The following TGFB1 variants were observed in gnomAD, a reference collection of about 807,000 sequenced individuals.
TGFB1 encodes the protein transforming growth factor beta 1, also known as transforming growth factor beta-1 proprotein.
Under a neutral mutation model 43.8 loss-of-function variants are expected in TGFB1, and 19 were observed. The observed-to-expected ratio is 0.43, with a 90% CI of 0.30 to 0.64. The LOEUF (loss-of-function observed/expected upper bound fraction) is 0.64, where lower values mean the gene tolerates loss of function less well. Among genes scored for constraint, TGFB1 ranks in the 30% least tolerant of loss-of-function variants. The pLI, the probability that TGFB1 is intolerant of heterozygous loss-of-function variation, is 0.11. For synonymous variants in TGFB1, 221 were observed against 236.3 expected, an observed-to-expected ratio of 0.94 and a Z score of 0.60; for missense variants, 445 against 529.8, an observed-to-expected ratio of 0.84 and a Z score of 1.57.
intron 5 of TGFB1, among the ~76,000 whole-genome samples, chr19:41,340,557 A>G (rs757287695): frequency 4.6e-4 from 70 of 152,180 alleles, no homozygotes; most frequent in Non-Finnish European, 8.5e-4. Context: ...CTGGAATTAT[A>G]GGCGTGAGCC....
In TGFB1 at chr19:41,348,422, C is replaced by A; in HGVS notation, c.389G>T (p.Ser130Ile). The change falls in exon 2 of 7, where the codon AGC (serine) becomes ATC (isoleucine). Residue 130 changes from serine (S) to isoleucine (I), a missense_variant. By Grantham distance (142) the Ser-to-Ile change is moderately radical. Coordinates refer to ENST00000221930, the MANE Select transcript of TGFB1 (RefSeq NM_000660.7). ...TGATGTGTTGAAGAACATATATATG[C>A]TGTGTGTACTCTGCTTGAACTTGTC... ...IYDKFKQSTH[S>I]IYMFFNTSEL... 2 of 1,613,032 alleles carry A rather than the reference C, an allele frequency of 1.2e-6. No individual in the cohort carries two copies. The highest frequency in any genetic ancestry group is 8.5e-7 in the Non-Finnish European group (1 of 1,179,466).
rs141428713 is a variant in TGFB1, at chr19:41,346,820, G to A, written c.516+1475C>T. 5.9e-3 allele frequency among the ~76,000 whole-genome samples: 901 copies of A among 152,154 alleles called. 9 individuals are homozygous for A. The highest frequency in any genetic ancestry group is 0.014 in the Middle Eastern group (4 of 294). Reference sequence around the variant, plus strand: ...CGCTCACTGCAGTCTCCACCTCCTGGGGTCAAGCGATTCTCCCACCTCAGC... The same window carrying A: ...CGCTCACTGCAGTCTCCACCTCCTGAGGTCAAGCGATTCTCCCACCTCAGC... On this transcript the variant is annotated intron_variant, in intron 2 of 6. Coordinates refer to ENST00000221930, the MANE Select transcript of TGFB1 (RefSeq NM_000660.7).
Sources: allele counts gnomAD v4.1 joint callset (sites outside exome capture counted in the v4.1 genomes callset), GRCh38; gene constraint gnomAD v4.1.1; transcripts MANE v1.5; gene names NCBI Gene and HGNC (gene_info 2026-07-23, HGNC 2026-07-21).